DPP6: variants seen among roughly 807,000 people sequenced by gnomAD.
The protein encoded by DPP6 is dipeptidyl peptidase like 6.
A neutral mutation model predicts 122.6 loss-of-function variants in DPP6; 69 were observed. The observed-to-expected ratio is 0.56, with a 90% CI of 0.46 to 0.69. DPP6 has a LOEUF of 0.69. Among genes scored for constraint, DPP6 ranks in the 30% least tolerant of loss-of-function variants. DPP6 has a pLI of 0.00. For missense variants in DPP6, 928 were observed against 1,116.9 expected, an observed-to-expected ratio of 0.83 and a Z score of 2.41; for synonymous variants, 418 against 433.1, an observed-to-expected ratio of 0.97 and a Z score of 0.43.
chr7:154,466,624 T>C (rs890460742), intron 2 of DPP6, among the ~76,000 whole-genome samples: 1 of 152,180 alleles, frequency 6.6e-6, no homozygotes, highest in Non-Finnish European at 1.5e-5. Flanking sequence ...TCATTTAACT[T>C]CAGTTTCTTC....
chr7:154,537,519 G>A (rs1448385816), intron 3 of DPP6, among the ~76,000 whole-genome samples: 3 of 151,854 alleles, frequency 2.0e-5, no homozygotes, highest in East Asian at 1.9e-4. Context: ...GCAAAACCCC[G>A]TCTCTACTAA....
Position 153,897,960 on chromosome 7 carries a change from T to A in DPP6, c.51+10226T>A, listed in dbSNP as rs117959083. Among the ~76,000 whole-genome samples, 246 of 152,236 alleles carry A rather than the reference T, an allele frequency of 1.6e-3. 1 individual carries two copies. The East Asian group carries it at 0.025, about 15-fold the overall frequency. The stretch of plus-strand genomic sequence containing the variant: ...AAAAGTAGATTGTCTCCAAAAGCTG[T>A]GTGGATAAGGAGCAATGAAAGAAAG... On this transcript the variant is annotated intron_variant, in intron 1 of 25. Transcript: ENST00000404039.
chr7:154,770,530 C>T (rs1051515504), intron 9 of DPP6, among the ~76,000 whole-genome samples: 3 of 152,180 alleles, frequency 2.0e-5, no homozygotes, highest in African/African-American at 4.8e-5. Context: ...AGCAAGAAAG[C>T]GTCCTCTGTG....
At chr7:154,678,994 G>GA (rs58744715) in intron 7 of DPP6, among the ~76,000 whole-genome samples, 16,219 of 152,222 alleles carry the variant, frequency 0.11, 930 homozygotes, top group East Asian at 0.15. Context: ...TGGGTTAATC[G>GA]TCTGAGAATG....
chr7:154,057,803 T>C (rs1289745945), intron 1 of DPP6: 1 of 150,652 alleles, frequency 6.6e-6, no homozygotes, highest in Non-Finnish European at 1.5e-5. Context: ...CAAAGCCTTT[T>C]CCATTGTATG....
rs192294986 is a variant in DPP6, at chr7:154,737,865, C to A, written c.883+9978C>A. ...TGATTTAAGCCCTCTGTGAGCCATT[C>A]AGCTGCCTGGTGACCAAATCACAAA... On this transcript the variant is annotated intron_variant, in intron 8 of 25. Coordinates refer to ENST00000377770, the MANE Select transcript of DPP6 (RefSeq NM_130797.4). Among the ~76,000 whole-genome samples, 19 of 152,344 alleles carry A rather than the reference C, an allele frequency of 1.2e-4. No individual in the cohort carries two copies. The Middle Eastern group carries it at 0.01, about 82-fold the overall frequency.
intron 1 of DPP6, among the ~76,000 whole-genome samples, chr7:154,386,776 A>G (rs560455818): frequency 1.3e-5 from 2 of 152,208 alleles, no homozygotes; most frequent in African/African-American, 2.4e-5. Flanking sequence ...TTAGCTGGAG[A>G]CATATGCCAT....
chr7:154,594,272 C>T (rs764380700), intron 5 of DPP6, among the ~76,000 whole-genome samples: 5 of 152,116 alleles, frequency 3.3e-5, no homozygotes, highest in Non-Finnish European at 5.9e-5. Flanking sequence ...ATTTTGCCCA[C>T]GTATTAATGC....
At chr7:154,179,818 C>T (rs866170760) in intron 1 of DPP6, among the ~76,000 whole-genome samples, 2 of 152,194 alleles carry the variant, frequency 1.3e-5, no homozygotes, top group African/African-American at 4.8e-5. Flanking sequence ...AGCATATACA[C>T]TTTCCACCAT....
intron 1 of DPP6, among the ~76,000 whole-genome samples, chr7:154,240,852 A>G (rs766815932): frequency 5.9e-5 from 9 of 152,190 alleles, no homozygotes; most frequent in Non-Finnish European, 8.8e-5. Flanking sequence ...GATTTTATGT[A>G]GGATAGACAG....
the DPP6 span, among the ~76,000 whole-genome samples, chr7:153,826,070 G>A: frequency 6.6e-6 from 1 of 152,164 alleles, no homozygotes; most frequent in Admixed American, 6.5e-5. Flanking sequence ...TTCATATAAA[G>A]GCAGCATAGA....
chr7:154,661,081 TG>T (rs1837639596), intron 6 of DPP6, among the ~76,000 whole-genome samples: 1 of 7,480 alleles, frequency 1.3e-4, no homozygotes, highest in African/African-American at 4.9e-4. Context: ...CATATAGTCA[TG>T]GTGAATCACC....
chr7:154,831,415 A>G (rs568239158), intron 16 of DPP6, among the ~76,000 whole-genome samples: 4 of 152,150 alleles, frequency 2.6e-5, no homozygotes, highest in Admixed American at 6.5e-5. Flanking sequence ...TAAAAAGGGG[A>G]AAAAAAACTC....
intron 1 of DPP6, among the ~76,000 whole-genome samples, chr7:154,233,420 G>A (rs947986727): frequency 6.6e-6 from 1 of 152,210 alleles, no homozygotes; most frequent in African/African-American, 2.4e-5. Context: ...GTGCCCACCC[G>A]AAATTCATAT....
chr7:153,769,313 A>G, the DPP6 span, among the ~76,000 whole-genome samples: 1 of 152,182 alleles, frequency 6.6e-6, no homozygotes. Flanking sequence ...TGATATATGC[A>G]TACATTGTGA....
intron 1 of DPP6, among the ~76,000 whole-genome samples, chr7:154,404,619 T>A (rs1382971887): frequency 6.6e-6 from 1 of 152,212 alleles, no homozygotes; most frequent in Non-Finnish European, 1.5e-5. Flanking sequence ...AACATTCAAC[T>A]TAACCAGTAA....
intron 1 of DPP6, among the ~76,000 whole-genome samples, chr7:154,109,430 A>G (rs1806406896): frequency 6.6e-6 from 1 of 151,830 alleles, no homozygotes; most frequent in African/African-American, 2.4e-5. Flanking sequence ...AGCTGGGATT[A>G]TGGGGCACCC....
At chr7:154,346,203 A>G (rs946421765) in intron 1 of DPP6, among the ~76,000 whole-genome samples, 2 of 152,200 alleles carry the variant, frequency 1.3e-5, no homozygotes, top group Non-Finnish European at 2.9e-5. Context: ...GACTCCCAGG[A>G]TAAAGGAAAG....
chr7:154,077,921 G>A (rs966528797), intron 1 of DPP6, among the ~76,000 whole-genome samples: 74 of 152,062 alleles, frequency 4.9e-4, no homozygotes, highest in Admixed American at 2.7e-3. Flanking sequence ...TGCCCTCCTC[G>A]GCCTCCCAAA....
Sources: allele counts gnomAD v4.1 joint callset (sites outside exome capture counted in the v4.1 genomes callset), GRCh38; gene constraint gnomAD v4.1.1; transcripts MANE v1.5; gene names NCBI Gene and HGNC (gene_info 2026-07-23, HGNC 2026-07-21).